The following KCNIP4 variants were observed in gnomAD, a reference collection of about 807,000 sequenced individuals.
KCNIP4 encodes the protein Kv channel-interacting protein 4.
Under a neutral mutation model 34.0 loss-of-function variants are expected in KCNIP4, and 12 were observed. That is an observed-to-expected ratio of 0.35 (90% CI 0.23 to 0.57). The LOEUF (loss-of-function observed/expected upper bound fraction) is 0.57, where lower values mean the gene tolerates loss of function less well. Among genes scored for constraint, KCNIP4 ranks in the 20% least tolerant of loss-of-function variants. KCNIP4 has a pLI of 0.83. For synonymous variants in KCNIP4, 124 were observed against 102.2 expected, an observed-to-expected ratio of 1.21 and a Z score of -1.29; for missense variants, 238 against 311.7, an observed-to-expected ratio of 0.76 and a Z score of 1.78.
intron 1 of KCNIP4, among the ~76,000 whole-genome samples, chr4:21,643,298 G>T (rs1242127947): frequency 6.6e-6 from 1 of 152,160 alleles, no homozygotes; most frequent in Non-Finnish European, 1.5e-5. Context: ...ACATTGAGAA[G>T]AATAATCATC....
chr4:21,576,293 G>A (rs554112309), intron 1 of KCNIP4, among the ~76,000 whole-genome samples: 2 of 152,174 alleles, frequency 1.3e-5, no homozygotes, highest in African/African-American at 4.8e-5. Flanking sequence ...CTTTTATGGG[G>A]TGAAAACCAA....
At chr4:21,292,707 C>T (rs532492157) in intron 1 of KCNIP4, among the ~76,000 whole-genome samples, 4 of 152,282 alleles carry the variant, frequency 2.6e-5, no homozygotes, top group Non-Finnish European at 5.9e-5. Context: ...CTACTTCATA[C>T]TAACTAAGAA....
At chr4:21,275,564 T>C (rs1237389194) in intron 1 of KCNIP4, among the ~76,000 whole-genome samples, 1 of 152,120 alleles carries the variant, frequency 6.6e-6, no homozygotes, top group Non-Finnish European at 1.5e-5. Flanking sequence ...AATCAGGCAA[T>C]CCTCCCAACA....
At chr4:21,842,252 C>A (rs1034594555) in intron 1 of KCNIP4, among the ~76,000 whole-genome samples, 1 of 152,068 alleles carries the variant, frequency 6.6e-6, no homozygotes, top group African/African-American at 2.4e-5. Context: ...ATGTCTCTGA[C>A]AAGAGGCTCC....
At chr4:20,737,396 A>G (rs1306781410) in intron 5 of KCNIP4, among the ~76,000 whole-genome samples, 1 of 152,170 alleles carries the variant, frequency 6.6e-6, no homozygotes, top group Non-Finnish European at 1.5e-5. Flanking sequence ...GTAATTTTTA[A>G]TGAGGAGCAC....
chr4:21,775,392 T>A (rs927424590), intron 1 of KCNIP4, among the ~76,000 whole-genome samples: 7 of 152,144 alleles, frequency 4.6e-5, no homozygotes, highest in Non-Finnish European at 8.8e-5. Flanking sequence ...AGCAGGATTG[T>A]TCCTGTATAG....
chr4:21,459,681 T>C (rs958249972), intron 1 of KCNIP4, among the ~76,000 whole-genome samples: 1 of 152,056 alleles, frequency 6.6e-6, no homozygotes, highest in African/African-American at 2.4e-5. Flanking sequence ...ATGCTCCTTC[T>C]TTACTCTCCC....
chr4:21,218,232 C>A (rs995997141), intron 1 of KCNIP4, among the ~76,000 whole-genome samples: 2 of 151,946 alleles, frequency 1.3e-5, no homozygotes, highest in South Asian at 4.2e-4. Context: ...CCAGGTTGGT[C>A]TCGAACTCCT....
chr4:21,029,969 G>A lies in KCNIP4; in HGVS notation c.62-147260C>T, dbSNP rs146560377. On this transcript the variant is annotated intron_variant, in intron 1 of 8. Coordinates refer to ENST00000382152, the MANE Select transcript of KCNIP4 (RefSeq NM_025221.6). ...AAAACACTCAATATTGAGTTCTCTT[G>A]ATAAAAACAAAACTTGGAGTTATTT... Among the ~76,000 whole-genome samples the A allele has an allele frequency of 4.4e-3, 668 of 152,188 alleles. 3 individuals are homozygous for A. The highest frequency in any genetic ancestry group is 6.6e-3 in the Non-Finnish European group (451 of 68,006).
At chr4:21,363,925 A>G (rs867201442) in intron 1 of KCNIP4, among the ~76,000 whole-genome samples, 1 of 152,168 alleles carries the variant, frequency 6.6e-6, no homozygotes, top group Non-Finnish European at 1.5e-5. Flanking sequence ...GCATAGAAAG[A>G]GCTCTCGAGT....
chr4:21,005,471 G>T (rs1303040622), intron 1 of KCNIP4, among the ~76,000 whole-genome samples: 1 of 152,094 alleles, frequency 6.6e-6, no homozygotes, highest in East Asian at 1.9e-4. Flanking sequence ...ATCATAGAAA[G>T]CTTTAATTGG....
chr4:21,689,829 T>G, intron 1 of KCNIP4, among the ~76,000 whole-genome samples: 1 of 152,002 alleles, frequency 6.6e-6, no homozygotes, highest in East Asian at 1.9e-4. Flanking sequence ...TATTTGTTCT[T>G]CCTGAAGTTG....
chr4:21,533,462 C>T (rs1736884260), intron 1 of KCNIP4, among the ~76,000 whole-genome samples: 1 of 152,064 alleles, frequency 6.6e-6, no homozygotes, highest in Non-Finnish European at 1.5e-5. Context: ...CTTGTCTAGC[C>T]TGAAGACCGG....
At chr4:21,882,984 G>A (rs911919436) in intron 1 of KCNIP4, among the ~76,000 whole-genome samples, 1 of 151,968 alleles carries the variant, frequency 6.6e-6, no homozygotes, top group Non-Finnish European at 1.5e-5. Flanking sequence ...ATTCCATGTA[G>A]TTATTTAGAA....
chr4:21,631,312 T>C (rs796170330), intron 1 of KCNIP4, among the ~76,000 whole-genome samples: 2 of 152,348 alleles, frequency 1.3e-5, no homozygotes, highest in Admixed American at 6.5e-5. Context: ...CATGCTTTTA[T>C]TTTAATTAAT....
chr4:21,030,665 G>A (rs939319914), intron 1 of KCNIP4, among the ~76,000 whole-genome samples: 7 of 151,990 alleles, frequency 4.6e-5, no homozygotes, highest in Non-Finnish European at 7.4e-5. Context: ...CAGGACTTAC[G>A]CATGTTGCTT....
At chr4:21,117,455 A>G (rs1326249561) in intron 1 of KCNIP4, among the ~76,000 whole-genome samples, 1 of 152,112 alleles carries the variant, frequency 6.6e-6, no homozygotes, top group African/African-American at 2.4e-5. Context: ...ATTTTTTAAT[A>G]GATAGGTTCT....
intron 3 of KCNIP4, among the ~76,000 whole-genome samples, chr4:20,798,498 CACACACACACACACAGACACACACAT>C (rs1441639944): frequency 2.8e-5 from 4 of 140,530 alleles, no homozygotes; most frequent in African/African-American, 6.0e-5. Flanking sequence ...TTCTTTCTAC[CACACACACACACACAGACACACACAT>C]ACACACACAC....
chr4:21,405,473 T>C (rs969203858), intron 1 of KCNIP4, among the ~76,000 whole-genome samples: 16 of 152,310 alleles, frequency 1.1e-4, no homozygotes, highest in African/African-American at 3.6e-4. Context: ...TTTCCTATTA[T>C]TGGAGCCCGG....
Sources: gnomAD v4.1 joint callset for allele counts (sites outside exome capture counted in the v4.1 genomes callset) on GRCh38, gnomAD v4.1.1 for gene constraint, MANE v1.5 for transcripts, NCBI Gene and HGNC (gene_info 2026-07-23, HGNC 2026-07-21) for gene names.